Variants in MTA3 observed in about 807,000 individuals in gnomAD.
MTA3 encodes the protein metastasis-associated protein MTA3.
MTA3 carries 34 observed loss-of-function variants against 83.5 expected under a neutral mutation model. The observed-to-expected ratio is 0.41, with a 90% CI of 0.31 to 0.54. The LOEUF is 0.54. Among genes scored for constraint, MTA3 ranks in the 20% least tolerant of loss-of-function variants. The probability of loss-of-function intolerance (pLI) is 0.33; values close to 1 mark genes in which losing one functional copy is unlikely to be tolerated. For missense variants in MTA3, 761 were observed against 726.4 expected (o/e 1.05, Z -0.55); for synonymous variants, 303 against 252.7 (o/e 1.20, Z -1.89).
chr2:42,656,128 C>G, intron 6 of MTA3, 72 bp from the exon 7 acceptor site: 1 of 1,106,878 alleles, frequency 9.0e-7, no homozygotes, highest in Non-Finnish European at 1.4e-6. Context: ...GCTATGGTGA[C>G]AGTTGTCATC....
At chr2:42,575,607 C>T (rs1678953991) in intron 2 of MTA3, among the ~76,000 whole-genome samples, 1 of 152,040 alleles carries the variant, frequency 6.6e-6, no homozygotes, top group African/African-American at 2.4e-5. Context: ...CATATAGTCC[C>T]ACAAGTGAAA....
chr2:42,624,850 C>T (rs1685922015), intron 4 of MTA3, among the ~76,000 whole-genome samples: 1 of 152,314 alleles, frequency 6.6e-6, no homozygotes, highest in South Asian at 2.1e-4. Context: ...CATCAGACAT[C>T]CATTGTCATT....
intron 8 of MTA3, among the ~76,000 whole-genome samples, chr2:42,664,466 CTT>C (rs35633597): frequency 0.092 from 7,848 of 85,520 alleles, 2,423 homozygotes; most frequent in South Asian, 0.16. Context: ...CCCCGCTTAC[CTT>C]TTTTTTTTTT....
At chr2:42,552,166 G>A (rs2103778102) in intron 2 of MTA3, among the ~76,000 whole-genome samples, 1 of 152,296 alleles carries the variant, frequency 6.6e-6, no homozygotes, top group South Asian at 2.1e-4. Flanking sequence ...GAAGTTTGGG[G>A]TGAAGCAGAA....
chr2:42,516,063 C>T (rs527247936), intron 2 of MTA3, among the ~76,000 whole-genome samples: 8 of 151,512 alleles, frequency 5.3e-5, no homozygotes, highest in African/African-American at 1.7e-4. Context: ...TACAGGCACC[C>T]GCCACCACGC....
intron 3 of MTA3, among the ~76,000 whole-genome samples, chr2:42,592,360 G>C (rs1005871233): frequency 1.3e-5 from 2 of 152,134 alleles, no homozygotes; most frequent in African/African-American, 4.8e-5. Context: ...GAGATGGGAG[G>C]ATCACTTGAG....
rs1572917245 is a variant in MTA3, at chr2:42,522,136, T to C, written c.-141+26882T>C. 2.0e-5 allele frequency among the ~76,000 whole-genome samples: 3 copies of C among 152,294 alleles called. No individual in the cohort carries two copies. The South Asian group carries it at 6.2e-4, about 32-fold the overall frequency. On this transcript the variant is annotated intron_variant, in intron 2 of 17. Coordinates refer to the MTA3 transcript ENST00000405592. ...TACATAATTTCCTAACCTTTCCAGTTGTGTGATAGAGGCAGCCTCAGTAGT... is the reference window on the plus strand; with the variant it reads ...TACATAATTTCCTAACCTTTCCAGTCGTGTGATAGAGGCAGCCTCAGTAGT...
At chr2:42,607,988 T>C (rs1251828622) in intron 3 of MTA3, among the ~76,000 whole-genome samples, 2 of 152,226 alleles carry the variant, frequency 1.3e-5, no homozygotes, top group East Asian at 3.9e-4. Context: ...AAATTTGAAA[T>C]TTAACTGGTA....
intron 16 of MTA3, among the ~76,000 whole-genome samples, chr2:42,728,838 C>T (rs973273045): frequency 7.9e-5 from 12 of 151,962 alleles, no homozygotes; most frequent in African/African-American, 1.7e-4. Flanking sequence ...GTTTGAGCTC[C>T]GTATATATTC....
intron 3 of MTA3, among the ~76,000 whole-genome samples, chr2:42,597,867 A>ATTTTTTT (rs1396811989): frequency 1.3e-5 from 2 of 150,956 alleles, no homozygotes; most frequent in African/African-American, 4.9e-5. Context: ...CCTTTTGTAG[A>ATTTTTTT]GACAGGGTTT....
At chr2:42,738,861 C>T (rs544950720) in intron 16 of MTA3, among the ~76,000 whole-genome samples, 17 of 152,286 alleles carry the variant, frequency 1.1e-4, no homozygotes, top group Admixed American at 5.2e-4. Flanking sequence ...TCTCCCATAG[C>T]GCTCCAAGGC....
At chr2:42,638,117 T>C (rs1195071342) in intron 4 of MTA3, among the ~76,000 whole-genome samples, 5 of 152,212 alleles carry the variant, frequency 3.3e-5, no homozygotes, top group African/African-American at 9.6e-5. Flanking sequence ...CAAATCTGAC[T>C]TTAGAGAACT....
intron 9 of MTA3, among the ~76,000 whole-genome samples, chr2:42,689,863 G>A (rs1692719419): frequency 7.1e-6 from 1 of 140,980 alleles, no homozygotes; most frequent in East Asian, 2.1e-4. Context: ...TCCAGCTTTT[G>A]GTTTGATTGA....
At chr2:42,733,247 G>A (rs1668364855) in intron 16 of MTA3, among the ~76,000 whole-genome samples, 2 of 152,214 alleles carry the variant, frequency 1.3e-5, no homozygotes, top group Admixed American at 1.3e-4. Context: ...CAGAATCATG[G>A]CAGGAGGTGA....
At chr2:42,649,279 C>G (rs1688488015) in intron 6 of MTA3, among the ~76,000 whole-genome samples, 1 of 152,050 alleles carries the variant, frequency 6.6e-6, no homozygotes, top group African/African-American at 2.4e-5. Flanking sequence ...TGCCTGTAAT[C>G]TCAGCTACTC....
intron 8 of MTA3, among the ~76,000 whole-genome samples, chr2:42,663,391 A>G (rs971893438): frequency 6.6e-6 from 1 of 152,182 alleles, no homozygotes; most frequent in Non-Finnish European, 1.5e-5. Context: ...GAGGTTTGGT[A>G]TTTGTTGTCA....
intron 14 of MTA3, among the ~76,000 whole-genome samples, chr2:42,714,573 A>G (rs1157535077): frequency 5.9e-5 from 9 of 152,218 alleles, no homozygotes; most frequent in Non-Finnish European, 1.3e-4. Flanking sequence ...AAAACACTGT[A>G]GAAAAATAAC....
intron 3 of MTA3, among the ~76,000 whole-genome samples, chr2:42,589,549 C>CT (rs1281652824): frequency 1.3e-5 from 2 of 152,080 alleles, no homozygotes; most frequent in South Asian, 2.1e-4. Flanking sequence ...GTAACCACCT[C>CT]TTTTTGGATT....
At chr2:42,532,870 A>C in intron 2 of MTA3, 1 of 354,236 alleles carries the variant, frequency 2.8e-6, no homozygotes, top group South Asian at 2.9e-5. Flanking sequence ...AGTTGAACCC[A>C]GGCACCTTTC....
Sources: gnomAD v4.1 joint callset for allele counts (sites outside exome capture counted in the v4.1 genomes callset) on GRCh38, gnomAD v4.1.1 for gene constraint, MANE v1.5 for transcripts, NCBI Gene and HGNC (gene_info 2026-07-23, HGNC 2026-07-21) for gene names.